The following BMPR1B variants were observed in gnomAD, a reference collection of about 807,000 sequenced individuals.
BMPR1B encodes bone morphogenetic protein receptor type-1B.
A neutral mutation model predicts 59.1 loss-of-function variants in BMPR1B; 12 were observed. The ratio of observed to expected loss-of-function variants is 0.20; its 90% CI spans 0.13 to 0.33. BMPR1B has a LOEUF of 0.33. BMPR1B is among the 10% of genes least tolerant of loss of function. BMPR1B has a pLI of 1.00. For synonymous variants in BMPR1B, 237 were observed against 207.3 expected, an observed-to-expected ratio of 1.14 and a Z score of -1.23; for missense variants, 550 against 610.9, an observed-to-expected ratio of 0.90 and a Z score of 1.05.
At chr4:94,984,730 G>A (rs1230447898) in intron 2 of BMPR1B, among the ~76,000 whole-genome samples, 1 of 152,124 alleles carries the variant, frequency 6.6e-6, no homozygotes, top group Non-Finnish European at 1.5e-5. Context: ...AAGTCCTTGT[G>A]AAATACACCA....
chr4:94,799,580 G>A lies in BMPR1B; in HGVS notation c.-183+41512G>A, dbSNP rs1260214277. 2.0e-5 allele frequency among the ~76,000 whole-genome samples: 3 copies of A among 152,222 alleles called. No individual in the cohort carries two copies. The East Asian group carries it at 5.8e-4, about 29-fold the overall frequency. On this transcript the variant is annotated intron_variant, in intron 1 of 12. Transcript: ENST00000515059. ...GCCTCCCAAAGTGCTGGGATTACAG[G>A]CATGAGCCACTGCGCCCAGCCAACT...
intron 1 of BMPR1B, among the ~76,000 whole-genome samples, chr4:94,809,279 T>G (rs1723724629): frequency 6.6e-6 from 1 of 152,208 alleles, no homozygotes; most frequent in South Asian, 2.1e-4. Context: ...TTGAACAGTT[T>G]CTTGCTTCAT....
intron 1 of BMPR1B, among the ~76,000 whole-genome samples, chr4:94,848,208 A>C (rs1327582493): frequency 2.1e-5 from 2 of 93,616 alleles, no homozygotes; most frequent in East Asian, 5.0e-4. Context: ...AGGAAGCTAG[A>C]TATCAGTTAA....
intron 3 of BMPR1B, among the ~76,000 whole-genome samples, chr4:95,001,221 T>G (rs1290894699): frequency 6.6e-6 from 1 of 152,190 alleles, no homozygotes; most frequent in African/African-American, 2.4e-5. Flanking sequence ...AAGGCCAGTA[T>G]TTTATTAATG....
At chr4:95,136,319 T>C (rs1733781393) in intron 10 of BMPR1B, among the ~76,000 whole-genome samples, 2 of 152,240 alleles carry the variant, frequency 1.3e-5, no homozygotes, top group African/African-American at 4.8e-5. Context: ...GCCAGTATTT[T>C]ATTGAGGATT....
chr4:94,771,490 A>T (rs12508087), intron 1 of BMPR1B, among the ~76,000 whole-genome samples: 118,072 of 152,086 alleles, frequency 0.78, 45,803 homozygotes, highest in Middle Eastern at 0.82. Flanking sequence ...GAAGGTGCTG[A>T]TAGAGCACAG....
intron 3 of BMPR1B, among the ~76,000 whole-genome samples, chr4:95,006,124 A>C (rs999478883): frequency 1.3e-5 from 2 of 151,900 alleles, no homozygotes; most frequent in Admixed American, 6.6e-5. Context: ...TACAAAAACT[A>C]TCTGGGCGTG....
intron 2 of BMPR1B, among the ~76,000 whole-genome samples, chr4:94,975,732 G>C (rs757263372): frequency 1.3e-5 from 2 of 151,970 alleles, no homozygotes; most frequent in Non-Finnish European, 2.9e-5. Context: ...ACCTGTTTTG[G>C]TTTTATTTCA....
At chr4:94,824,191 A>G (rs1724305371) in intron 1 of BMPR1B, among the ~76,000 whole-genome samples, 1 of 152,228 alleles carries the variant, frequency 6.6e-6, no homozygotes, top group African/African-American at 2.4e-5. Flanking sequence ...TGATGCACGA[A>G]TTTACCACTT....
chr4:95,084,321 G>A (rs1209362978), intron 3 of BMPR1B, among the ~76,000 whole-genome samples: 1 of 151,408 alleles, frequency 6.6e-6, no homozygotes, highest in Admixed American at 6.6e-5. Flanking sequence ...ATTTATACGT[G>A]TGTGTGTATG....
chr4:95,001,525 A>G (rs972306859), intron 3 of BMPR1B, among the ~76,000 whole-genome samples: 1 of 152,222 alleles, frequency 6.6e-6, no homozygotes, highest in African/African-American at 2.4e-5. Context: ...AACATGGCAC[A>G]TAGTCCTGGA....
chr4:94,991,196 T>C (rs1721733392), intron 2 of BMPR1B, among the ~76,000 whole-genome samples: 1 of 152,194 alleles, frequency 6.6e-6, no homozygotes, highest in African/African-American at 2.4e-5. Context: ...GACCTCATAA[T>C]TGTTTTTCAG....
intron 1 of BMPR1B, among the ~76,000 whole-genome samples, chr4:94,785,005 A>C (rs1056280238): frequency 6.6e-6 from 1 of 152,146 alleles, no homozygotes; most frequent in Non-Finnish European, 1.5e-5. Flanking sequence ...TCAAAATATT[A>C]ATACAAGAAA....
intron 1 of BMPR1B, among the ~76,000 whole-genome samples, chr4:94,845,141 G>A (rs1267982642): frequency 2.0e-5 from 3 of 151,978 alleles, no homozygotes; most frequent in Non-Finnish European, 4.4e-5. Context: ...ATATATCATA[G>A]ATGAAATATT....
At chr4:94,866,542 GCTGT>G (rs752093475) in intron 1 of BMPR1B, among the ~76,000 whole-genome samples, 2 of 151,932 alleles carry the variant, frequency 1.3e-5, no homozygotes, top group Non-Finnish European at 1.5e-5. Flanking sequence ...TTGGAAAAAG[GCTGT>G]CTGTGTTCCT....
At chr4:94,829,689 G>A (rs1282510187) in intron 1 of BMPR1B, among the ~76,000 whole-genome samples, 3 of 152,074 alleles carry the variant, frequency 2.0e-5, no homozygotes, top group Non-Finnish European at 2.9e-5. Flanking sequence ...GCATAGAAAT[G>A]GAGAGGAAAG....
At chr4:94,913,546 A>G (rs1477313126) in intron 2 of BMPR1B, among the ~76,000 whole-genome samples, 5 of 152,168 alleles carry the variant, frequency 3.3e-5, no homozygotes, top group Admixed American at 2.6e-4. Flanking sequence ...AGGCTCTGCT[A>G]AAGAATGGCA....
At chr4:95,033,144 T>C (rs1287342174) in intron 3 of BMPR1B, among the ~76,000 whole-genome samples, 2 of 152,176 alleles carry the variant, frequency 1.3e-5, no homozygotes, top group Non-Finnish European at 2.9e-5. Flanking sequence ...GTTGTTCATA[T>C]GTTGTTGTTG....
At chr4:95,107,646 C>T (rs1408991120) in intron 4 of BMPR1B, among the ~76,000 whole-genome samples, 2 of 151,982 alleles carry the variant, frequency 1.3e-5, no homozygotes, top group African/African-American at 4.8e-5. Context: ...GAATGTAGCA[C>T]TATCTATGTT....
Sources: allele counts gnomAD v4.1 joint callset (sites outside exome capture counted in the v4.1 genomes callset), GRCh38; gene constraint gnomAD v4.1.1; transcripts MANE v1.5; gene names NCBI Gene and HGNC (gene_info 2026-07-23, HGNC 2026-07-21).